Variants in MFN1 observed in about 807,000 individuals in gnomAD.
The protein encoded by MFN1 is mitofusin-1.
MFN1 carries 65 observed loss-of-function variants against 92.4 expected under a neutral mutation model. That is an observed-to-expected ratio of 0.70 (90% CI 0.58 to 0.86). The LOEUF (loss-of-function observed/expected upper bound fraction) is 0.86, where lower values mean the gene tolerates loss of function less well. Ranked by LOEUF, MFN1 falls within the 40% of genes least tolerant of loss-of-function variation. MFN1 has a pLI of 0.00. For synonymous variants in MFN1, 297 were observed against 300.9 expected, an observed-to-expected ratio of 0.99 and a Z score of 0.13; for missense variants, 781 against 868.0, an observed-to-expected ratio of 0.90 and a Z score of 1.26.
chr3:179,382,965 T>C (rs1713530622), intron 14 of MFN1, among the ~76,000 whole-genome samples: 1 of 152,258 alleles, frequency 6.6e-6, no homozygotes, highest in Non-Finnish European at 1.5e-5. Flanking sequence ...ATTCTCGATA[T>C]TACCCCTTTG....
chr3:179,359,129 T>A, intron 4 of MFN1, 127 bp downstream of exon 4: 1 of 1,006,588 alleles, frequency 9.9e-7, no homozygotes, highest in Non-Finnish European at 1.3e-6. Flanking sequence ...ATATTTTTCT[T>A]TTTTTTTTTA....
intron 9 of MFN1, among the ~76,000 whole-genome samples, chr3:179,371,022 CTTTTT>C (rs1192139237): frequency 6.6e-6 from 1 of 151,946 alleles, no homozygotes; most frequent in African/African-American, 2.4e-5. Flanking sequence ...GATTTGCTTA[CTTTTT>C]TTTGTAGTCG....
chr3:179,356,694 A>C (rs114505566), intron 3 of MFN1, among the ~76,000 whole-genome samples: 1 of 152,316 alleles, frequency 6.6e-6, no homozygotes, highest in African/African-American at 2.4e-5. Flanking sequence ...TTTAGTATGC[A>C]TAAGAATCAT....
chr3:179,372,385 G>A (rs564271002), intron 9 of MFN1, among the ~76,000 whole-genome samples: 3 of 151,802 alleles, frequency 2.0e-5, no homozygotes, highest in African/African-American at 4.8e-5. Context: ...ATTAATGTAT[G>A]ATTAGAGTTC....
intron 4 of MFN1, among the ~76,000 whole-genome samples, chr3:179,362,101 C>A (rs1238114338): frequency 2.2e-4 from 33 of 152,180 alleles, no homozygotes; most frequent in Admixed American, 2.2e-3. Flanking sequence ...AACAGAGACT[C>A]CAGAACTTAT....
At chr3:179,372,524 C>T (rs1162975559) in intron 9 of MFN1, among the ~76,000 whole-genome samples, 1 of 152,078 alleles carries the variant, frequency 6.6e-6, no homozygotes, top group Non-Finnish European at 1.5e-5. Context: ...TAACACTTCC[C>T]ATACTTATTT....
intron 12 of MFN1, 121 bp downstream of exon 12, chr3:179,377,569 G>A: frequency 1.7e-6 from 1 of 573,278 alleles, no homozygotes; most frequent in East Asian, 2.9e-5. Context: ...GATCTCTTGT[G>A]CCCTCTTGTA....
In MFN1 at chr3:179,365,148, C is replaced by A. The variant is rs746768416; in HGVS notation, c.676C>A (p.Arg226=). The change falls in exon 7 of 18, where the codon CGG becomes AGG. Residue 226 remains arginine, a synonymous_variant. Coordinates refer to ENST00000471841, the MANE Select transcript of MFN1 (RefSeq NM_033540.3). ...ACACTTTTTTCACAAGGTGAATGAG[C>A]GGCTTTCCAAGCCTAATATTTTCAT... ...EKHFFHKVNE[R]LSKPNIFILN... is the part of the protein sequence containing the mutation. 46 of 1,547,128 alleles carry A rather than the reference C, an allele frequency of 3.0e-5. No homozygotes were observed. Among genetic ancestry groups the A allele is most frequent in the Non-Finnish European group, 3.9e-5 (45 of 1,154,632 alleles).
chr3:179,384,096 C>CT (rs1318544470), intron 14 of MFN1, among the ~76,000 whole-genome samples: 6 of 152,110 alleles, frequency 3.9e-5, no homozygotes, highest in Non-Finnish European at 5.9e-5. Flanking sequence ...TGACTGGTTT[C>CT]TTTCACTTAG....
At chr3:179,382,978 A>T (rs1252482532) in intron 14 of MFN1, among the ~76,000 whole-genome samples, 2 of 152,220 alleles carry the variant, frequency 1.3e-5, no homozygotes, top group Non-Finnish European at 2.9e-5. Context: ...CCCCTTTGTC[A>T]GATGAGTAGA....
At chr3:179,380,165 ACAG>A (rs1713411934) in intron 14 of MFN1, among the ~76,000 whole-genome samples, 1 of 152,222 alleles carries the variant, frequency 6.6e-6, no homozygotes, top group Non-Finnish European at 1.5e-5. Flanking sequence ...TGATCACAAA[ACAG>A]CAGAGAAATT....
chr3:179,385,015 C>T (rs938344719), intron 14 of MFN1, among the ~76,000 whole-genome samples: 3 of 149,352 alleles, frequency 2.0e-5, no homozygotes, highest in Non-Finnish European at 4.4e-5. Context: ...ACGCCATTCT[C>T]CTGCCTCAGC....
chr3:179,386,374 A>G (rs1713683366), intron 15 of MFN1, 59 bp from the exon 16 acceptor site: 1 of 1,376,242 alleles, frequency 7.3e-7, no homozygotes, highest in Non-Finnish European at 1.0e-6. Flanking sequence ...ATGCTTTTAA[A>G]TGTACTCTCC....
chr3:179,357,094 T>C (rs1257557869), intron 3 of MFN1, among the ~76,000 whole-genome samples: 2 of 152,132 alleles, frequency 1.3e-5, no homozygotes, highest in Non-Finnish European at 2.9e-5. Flanking sequence ...ATATCATTCC[T>C]CTGTGGGGGG....
chr3:179,351,721 C>G (rs1170731990), intron 2 of MFN1, among the ~76,000 whole-genome samples, 179 bp from the exon 3 acceptor site: 1 of 152,146 alleles, frequency 6.6e-6, no homozygotes, highest in East Asian at 1.9e-4. Context: ...TCTTGAAATT[C>G]TTTTGGGCGG....
rs1034255421 is a variant in MFN1 at position 179,378,746 on chromosome 3, G to A, written c.1594G>A (p.Val532Ile). The A allele has an allele frequency of 1.2e-6, 2 of 1,614,006 alleles. No individual in the cohort carries two copies. Among genetic ancestry groups the A allele is most frequent in the Non-Finnish European group, 1.7e-6 (2 of 1,179,954 alleles). Residue 532 changes from valine to isoleucine, a missense_variant, in exon 14 of 18, where the codon GTA becomes ATA. Val to Ile is a conservative substitution (Grantham distance 29). Coordinates refer to ENST00000471841, the MANE Select transcript of MFN1 (RefSeq NM_033540.3). ...FRFSLGWSSL[V>I]HRFLGPRNAQ... is the part of the protein sequence containing the mutation. ...TTTTTCCCTGGGCTGGTCTTCCCTTGTACATCGATTTTTGGGCCCTAGAAA... is the reference window on the plus strand; with the variant it reads ...TTTTTCCCTGGGCTGGTCTTCCCTTATACATCGATTTTTGGGCCCTAGAAA...
At chr3:179,382,648 C>T (rs1261005579) in intron 14 of MFN1, among the ~76,000 whole-genome samples, 2 of 152,224 alleles carry the variant, frequency 1.3e-5, no homozygotes, top group Non-Finnish European at 2.9e-5. Context: ...AATCACCACA[C>T]TGTCTTCCAC....
At chr3:179,371,887 G>T (rs1713033868) in intron 9 of MFN1, among the ~76,000 whole-genome samples, 1 of 151,686 alleles carries the variant, frequency 6.6e-6, no homozygotes, top group Admixed American at 6.6e-5. Context: ...GACAAGTATT[G>T]ATGTGTTAGG....
In MFN1 at chr3:179,378,425, A is replaced by G; in HGVS notation, c.1414A>G (p.Thr472Ala). The change falls in exon 13 of 18, where the codon ACC (threonine) becomes GCC (alanine). Residue 472 changes from threonine to alanine, a missense_variant. Physicochemically the swap from Thr to Ala is moderately conservative, Grantham distance 58. Coordinates refer to ENST00000471841, the MANE Select transcript of MFN1 (RefSeq NM_033540.3). ...TGAAGTAAACGCCTTAGTGCTTCAG[A>G]CCCAGCAAGAAATTATTGGTAATAT... ...TDEVNALVLQ[T>A]QQEIIENLKP... The G allele has an allele frequency of 6.3e-7, 1 of 1,596,472 alleles. No homozygotes were observed. Among genetic ancestry groups the G allele is most frequent in the Non-Finnish European group, 8.5e-7 (1 of 1,175,240 alleles).
Sources: allele counts gnomAD v4.1 joint callset (sites outside exome capture counted in the v4.1 genomes callset), GRCh38; gene constraint gnomAD v4.1.1; transcripts MANE v1.5; gene names NCBI Gene and HGNC (gene_info 2026-07-23, HGNC 2026-07-21).